The following CEBPZ variants were observed in gnomAD, a reference collection of about 807,000 sequenced individuals.
The protein encoded by CEBPZ is CCAAT enhancer binding protein zeta.
In CEBPZ, 78 loss-of-function variants were observed where a neutral mutation model predicts 104.5. That is an observed-to-expected ratio of 0.75 (90% CI 0.62 to 0.90). CEBPZ has a LOEUF of 0.90. Ranked by LOEUF, CEBPZ falls within the 40% of genes least tolerant of loss-of-function variation. The pLI is 0.00. For missense variants in CEBPZ, 1,439 were observed against 1,233.5 expected, an observed-to-expected ratio of 1.17 and a Z score of -2.50; for synonymous variants, 470 against 427.0, an observed-to-expected ratio of 1.10 and a Z score of -1.24.
intron 3 of CEBPZ, 52 bp from the exon 4 acceptor site, chr2:37,222,615 T>A: frequency 7.4e-7 from 1 of 1,348,150 alleles, no homozygotes; most frequent in Non-Finnish European, 1.0e-6. Context: ...GAAGTTGCAA[T>A]AAAGTCTGTG....
At chr2:37,212,963 CAGA>C (rs1260875073) in intron 10 of CEBPZ, among the ~76,000 whole-genome samples, 1 of 151,818 alleles carries the variant, frequency 6.6e-6, no homozygotes, top group Admixed American at 6.6e-5. Context: ...CGCCTGAGCC[CAGA>C]AGGTCTAGGC....
At position 37,202,945 on chromosome 2, in the gene CEBPZ, C is replaced by T. The variant is rs772577477; in HGVS notation, c.2943+5G>A. 47 of 1,589,514 alleles carry T rather than the reference C, an allele frequency of 3.0e-5. No homozygotes were observed. Among genetic ancestry groups the T allele is most frequent in the Non-Finnish European group, 3.3e-5 (39 of 1,168,996 alleles). On this transcript the variant is annotated splice_donor_5th_base_variant and intron_variant, in intron 14 of 15. Transcript: ENST00000234170. ...TAGCTTGTTAAAACAGTACATTAGC[C>T]TTACCTCTTCAGCAGATACAAATAG...
intron 13 of CEBPZ, chr2:37,210,691 C>A (rs1677693787): frequency 4.1e-6 from 1 of 243,312 alleles, no homozygotes. Flanking sequence ...GATGGGTGCA[C>A]CAAAATCTCA....
In CEBPZ at chr2:37,228,914, C is replaced by T. The variant is rs1664960879; in HGVS notation, c.279G>A (p.Leu93=). ...CTAAGGAAGCTTTTGTATACTTCGC[C>T]AAATTAAGATTTTGAATAAATGCTT... ...ELEAFIQNLN[L]AKYTKASLVE... is the part of the protein sequence containing the mutation. The change falls in exon 2 of 16, where the codon TTG becomes TTA. Residue 93 remains leucine (L), a synonymous_variant. Transcript: ENST00000234170. The T allele has an allele frequency of 5.6e-6, 9 of 1,610,844 alleles. No individual in the cohort carries two copies. The highest frequency in any genetic ancestry group is 7.6e-6 in the Non-Finnish European group (9 of 1,178,948).
intron 2 of CEBPZ, among the ~76,000 whole-genome samples, 189 bp from the exon 3 acceptor site, chr2:37,223,590 G>C (rs535367943): frequency 2.6e-5 from 4 of 152,186 alleles, no homozygotes; most frequent in Non-Finnish European, 4.4e-5. Flanking sequence ...GATGGCACCA[G>C]GAAAAACCAA....
Position 37,220,422 on chromosome 2 carries a change from C to T in CEBPZ, c.2117G>A (p.Cys706Tyr), listed in dbSNP as rs1211534551. Residue 706 changes from cysteine to tyrosine, a missense_variant, in exon 5 of 16, where the codon TGT (cysteine) becomes TAT (tyrosine). Transcript: ENST00000234170. ...YDPFSRNPLFCGAENTSLWEL... is the reference protein window; with the variant it reads ...YDPFSRNPLFYGAENTSLWEL... ...CCAAAGACTTGTATTTTCAGCTCCACAGAACAGAGGGTTTCTACTGAATGG... is the reference window on the plus strand; with the variant it reads ...CCAAAGACTTGTATTTTCAGCTCCATAGAACAGAGGGTTTCTACTGAATGG... The T allele has an allele frequency of 1.2e-6, 2 of 1,600,730 alleles. No individual in the cohort carries two copies. The highest frequency in any genetic ancestry group is 1.7e-6 in the Non-Finnish European group (2 of 1,172,552).
Position 37,227,568 on chromosome 2 carries a change from T to C in CEBPZ, c.1625A>G (p.Asp542Gly), listed in dbSNP as rs1203286308. 6.2e-7 allele frequency: 1 copy of C among 1,612,172 alleles called. No individual in the cohort carries two copies. Among genetic ancestry groups the C allele is most frequent in the Admixed American group, 1.7e-5 (1 of 59,876 alleles). ...QVMNSQQTISDRYYTALYRKM... is the reference protein window; with the variant it reads ...QVMNSQQTISGRYYTALYRKM... The stretch of plus-strand genomic sequence containing the variant: ...CCTGTATAATGCTGTGTAATATCGA[T>C]CCGATATTGTCTGCTGAGAATTCAT... Residue 542 changes from aspartate to glycine, a missense_variant, in exon 2 of 16, where the codon GAT becomes GGT. Transcript: ENST00000234170.
chr2:37,210,716 AGAACT>A, intron 13 of CEBPZ: 1 of 297,146 alleles, frequency 3.4e-6, no homozygotes, highest in Non-Finnish European at 6.4e-6. Flanking sequence ...TCACTACTAA[AGAACT>A]TACCTATGTA....
rs1482255309 is a variant in CEBPZ, at chr2:37,211,033, A to T, written c.2850T>A (p.Gly950=). 4 of 1,611,710 alleles carry T rather than the reference A, an allele frequency of 2.5e-6. No homozygotes were observed. The highest frequency in any genetic ancestry group is 3.4e-6 in the Non-Finnish European group (4 of 1,179,202). Reference sequence around the variant, plus strand: ...AGCCAGCAAAGTCAAAATCATCTGTACCTTTTCTCTTGCTTTTCTTAGTAC... The same window carrying T: ...AGCCAGCAAAGTCAAAATCATCTGTTCCTTTTCTCTTGCTTTTCTTAGTAC... ...KVSTKKSKRK[G]TDDFDFAGSF... is the part of the protein sequence containing the mutation. The change falls in exon 13 of 16, where the codon GGT becomes GGA. Residue 950 remains glycine, a synonymous_variant. Coordinates refer to ENST00000234170, the MANE Select transcript of CEBPZ (RefSeq NM_005760.3).
chr2:37,203,117 G>A (rs1480836107), intron 13 of CEBPZ, 109 bp from the exon 14 acceptor site: 2 of 666,876 alleles, frequency 3.0e-6, no homozygotes, highest in East Asian at 3.1e-5. Context: ...AAAAACAATT[G>A]CAATAATCTT....
chr2:37,209,393 ATAC>A (rs2148344770), intron 13 of CEBPZ: 2 of 152,356 alleles, frequency 1.3e-5, no homozygotes, highest in South Asian at 4.1e-4. Context: ...ACTTCAAACT[ATAC>A]TACTAGGCTA....
chr2:37,228,388 G>C lies in CEBPZ; in HGVS notation c.805C>G (p.Leu269Val). The change falls in exon 2 of 16, where the codon CTT (leucine) becomes GTT (valine). Residue 269 changes from leucine to valine, a missense_variant. Physicochemically the swap from Leu to Val is conservative, Grantham distance 32. Transcript: ENST00000234170. ...AVHTLQFVET[L>V]VNLVKKKGSK... ...CCCTTCTTTTTAACAAGGTTCACAA[G>C]AGTTTCTACAAACTGAAGTGTGTGA... 6.2e-7 allele frequency: 1 copy of C among 1,614,192 alleles called. No homozygotes were observed. The highest frequency in any genetic ancestry group is 8.5e-7 in the Non-Finnish European group (1 of 1,180,042).
Position 37,228,814 on chromosome 2 carries a change from T to G in CEBPZ, c.379A>C (p.Asn127His). ...GATGTCCTTTGACTTTCTGCTGTAT[T>G]TTTATTATTTATTTTAGGTATTTTT... ...EVKIPKINNK[N>H]TAESQRTSVN... The change falls in exon 2 of 16, where the codon AAT becomes CAT. Residue 127 changes from asparagine (N) to histidine (H), a missense_variant. Transcript: ENST00000234170. 1.2e-6 allele frequency: 2 copies of G among 1,603,698 alleles called. No individual in the cohort carries two copies. Among genetic ancestry groups the G allele is most frequent in the Non-Finnish European group, 8.5e-7 (1 of 1,176,664 alleles).
In CEBPZ at chr2:37,222,456, C is replaced by G; in HGVS notation, c.1989G>C (p.Glu663Asp). ...ETEIVKKLET[E>D]ETVPETDVET... Reference sequence around the variant, plus strand: ...CTACATCAGTTTCAGGAACTGTTTCCTCTGTCTCAAGTTTTTTCACTATCT... The same window carrying G: ...CTACATCAGTTTCAGGAACTGTTTCGTCTGTCTCAAGTTTTTTCACTATCT... Residue 663 changes from glutamate to aspartate, a missense_variant, in exon 4 of 16, where the codon GAG becomes GAC. Glu to Asp is a conservative substitution (Grantham distance 45). Coordinates refer to ENST00000234170, the MANE Select transcript of CEBPZ (RefSeq NM_005760.3). The G allele has an allele frequency of 6.2e-7, 1 of 1,610,892 alleles. No homozygotes were observed. The highest frequency in any genetic ancestry group is 8.5e-7 in the Non-Finnish European group (1 of 1,178,960).
chr2:37,231,370 T>A (rs774861044), intron 1 of CEBPZ, 42 bp downstream of exon 1: 12 of 1,611,580 alleles, frequency 7.4e-6, no homozygotes, highest in Non-Finnish European at 1.0e-5. Flanking sequence ...CCTTCGGAAC[T>A]CTCCACGCCT....
rs994978799 is a variant in CEBPZ at position 37,228,928 on chromosome 2, G to A, written c.265C>T (p.Gln89Ter). ...GTATACTTCGCCAAATTAAGATTTT[G>A]AATAAATGCTTCCAATTCACCTTGC... Reference protein sequence around the residue: ...LQQGELEAFIQNLNLAKYTKA... With the variant: ...LQQGELEAFI Residue 89 changes from glutamine to a stop codon, truncating the protein, a stop_gained, in exon 2 of 16, where the codon CAA becomes TAA. Coordinates refer to ENST00000234170, the MANE Select transcript of CEBPZ (RefSeq NM_005760.3). LOFTEE classifies it high-confidence loss of function. 1 of 1,611,090 alleles carries A rather than the reference G, an allele frequency of 6.2e-7. No individual in the cohort carries two copies. Among genetic ancestry groups the A allele is most frequent in the Non-Finnish European group, 8.5e-7 (1 of 1,179,008 alleles).
In CEBPZ at chr2:37,231,539, A is replaced by T; in HGVS notation, c.29T>A (p.Phe10Tyr). The change falls in exon 1 of 16, where the codon TTC becomes TAC. Residue 10 changes from phenylalanine to tyrosine, a missense_variant. Physicochemically the swap from Phe to Tyr is conservative, Grantham distance 22. Coordinates refer to ENST00000234170, the MANE Select transcript of CEBPZ (RefSeq NM_005760.3). The part of the protein sequence containing the change: MAAVKEPLE[F>Y]HAKRPWRPEE... ...GGGGCGCCAAGGCCGCTTGGCATGGAACTCCAAAGGCTCCTTGACTGCGGC... is the reference window on the plus strand; with the variant it reads ...GGGGCGCCAAGGCCGCTTGGCATGGTACTCCAAAGGCTCCTTGACTGCGGC... 6.2e-7 allele frequency: 1 copy of T among 1,614,210 alleles called. No homozygotes were observed.
In CEBPZ at chr2:37,201,890, A is replaced by C. The variant is rs1244952370; in HGVS notation, c.3039T>G (p.Leu1013=). The C allele has an allele frequency of 3.1e-6, 5 of 1,613,380 alleles. No homozygotes were observed. Among genetic ancestry groups the C allele is most frequent in the Non-Finnish European group, 4.2e-6 (5 of 1,179,826 alleles). ...AGTCATCACGTTCAGCCTCCCATCT[A>C]AGCTGTTTGAGACCTTTGAGAGAAG... ...ANKDNASLKQ[L]RWEAERDDWL... The change falls in exon 16 of 16, where the codon CTT becomes CTG. Residue 1013 remains leucine (L), a synonymous_variant. Coordinates refer to ENST00000234170, the MANE Select transcript of CEBPZ (RefSeq NM_005760.3).
At chr2:37,217,597 G>T (rs1199287326) in intron 5 of CEBPZ, among the ~76,000 whole-genome samples, 1 of 151,956 alleles carries the variant, frequency 6.6e-6, no homozygotes, top group African/African-American at 2.4e-5. Context: ...ATACTTATAG[G>T]TCCATTAAAA....
Sources: allele counts gnomAD v4.1 joint callset (sites outside exome capture counted in the v4.1 genomes callset), GRCh38; gene constraint gnomAD v4.1.1; transcripts MANE v1.5; gene names NCBI Gene and HGNC (gene_info 2026-07-23, HGNC 2026-07-21).